SGCZ: variants seen among roughly 807,000 people sequenced by gnomAD.
SGCZ encodes zeta-sarcoglycan.
Under a neutral mutation model 41.3 loss-of-function variants are expected in SGCZ, and 40 were observed. The observed-to-expected ratio is 0.97, with a 90% CI of 0.75 to 1.26. SGCZ has a LOEUF of 1.26. SGCZ is among the 50% of genes most tolerant of loss of function. SGCZ has a pLI of 0.00. For synonymous variants in SGCZ, 206 were observed against 137.5 expected, an observed-to-expected ratio of 1.50 and a Z score of -3.49; for missense variants, 552 against 369.8, an observed-to-expected ratio of 1.49 and a Z score of -4.04.
intron 1 of SGCZ, among the ~76,000 whole-genome samples, chr8:14,691,715 A>G (rs1808803353): frequency 6.6e-6 from 1 of 152,086 alleles, no homozygotes; most frequent in African/African-American, 2.4e-5. Context: ...AGATTTAAAC[A>G]TCGTTCTTCA....
chr8:14,631,285 CT>C (rs78647792), intron 1 of SGCZ, among the ~76,000 whole-genome samples: 985 of 81,994 alleles, frequency 0.012, 9 homozygotes, highest in East Asian at 0.069. Flanking sequence ...CATAGGAATT[CT>C]TTTTTTATTA....
intron 5 of SGCZ, among the ~76,000 whole-genome samples, chr8:14,157,390 G>A (rs891714391): frequency 1.3e-5 from 2 of 149,390 alleles, no homozygotes; most frequent in South Asian, 2.1e-4. Flanking sequence ...GTGTGTGTGT[G>A]TGTATGCTCA....
intron 1 of SGCZ, among the ~76,000 whole-genome samples, chr8:14,888,280 G>T (rs973799261): frequency 1.3e-5 from 2 of 152,116 alleles, no homozygotes; most frequent in African/African-American, 4.8e-5. Flanking sequence ...AGATTGAGCT[G>T]ATGAACAGGG....
At chr8:14,183,053 G>A (rs933311882) in intron 4 of SGCZ, among the ~76,000 whole-genome samples, 6 of 149,254 alleles carry the variant, frequency 4.0e-5, no homozygotes, top group African/African-American at 1.5e-4. Flanking sequence ...TCGTAAAGTT[G>A]ATTAAGAAAA....
intron 5 of SGCZ, among the ~76,000 whole-genome samples, chr8:14,160,458 C>G (rs1415667116): frequency 6.6e-6 from 1 of 151,986 alleles, no homozygotes; most frequent in Non-Finnish European, 1.5e-5. Context: ...ATACCTTTGG[C>G]CAATAGTAGG....
At chr8:15,195,050 A>C (rs1309454074) in intron 1 of SGCZ, among the ~76,000 whole-genome samples, 1 of 152,244 alleles carries the variant, frequency 6.6e-6, no homozygotes, top group Admixed American at 6.5e-5. Context: ...CATCCAAAAA[A>C]ATAAACTATA....
chr8:14,740,112 T>A (rs1411230811), intron 1 of SGCZ, among the ~76,000 whole-genome samples: 1 of 152,092 alleles, frequency 6.6e-6, no homozygotes, highest in Non-Finnish European at 1.5e-5. Flanking sequence ...ATTGTAGCTA[T>A]CAAGCATTAT....
chr8:15,086,125 C>T (rs987023006), intron 1 of SGCZ, among the ~76,000 whole-genome samples: 2 of 152,124 alleles, frequency 1.3e-5, no homozygotes, highest in Admixed American at 1.3e-4. Context: ...ATAAAGAATA[C>T]TATTTAACAA....
chr8:14,349,093 T>C (rs549627960), intron 2 of SGCZ, among the ~76,000 whole-genome samples: 41 of 152,142 alleles, frequency 2.7e-4, no homozygotes, highest in Non-Finnish European at 4.6e-4. Context: ...TGTGGGTAGA[T>C]TTCAGACTAG....
rs189256677 is a variant in SGCZ, at chr8:14,600,386, G to A, written c.40-45460C>T. The stretch of plus-strand genomic sequence containing the variant: ...AATCTGGGATCTATCATCTCTACTT[G>A]GATGAGTTGTGTACTCCACATCCTC... On this transcript the variant is annotated intron_variant, in intron 1 of 7. Coordinates refer to ENST00000382080, the MANE Select transcript of SGCZ (RefSeq NM_139167.4). Among the ~76,000 whole-genome samples the A allele has an allele frequency of 2.4e-3, 365 of 152,138 alleles. 1 individual carries two copies. The highest frequency in any genetic ancestry group is 8.0e-3 in the African/African-American group (334 of 41,510).
At chr8:14,400,187 ATTGATACTTCAT>A (rs148130278) in intron 2 of SGCZ, among the ~76,000 whole-genome samples, 12,634 of 152,150 alleles carry the variant, frequency 0.083, 665 homozygotes, top group Admixed American at 0.13. Flanking sequence ...AATAGCGTGT[ATTGATACTTCAT>A]TTATTTTTAC....
intron 1 of SGCZ, among the ~76,000 whole-genome samples, chr8:15,096,066 T>C (rs914537290): frequency 6.6e-6 from 1 of 152,134 alleles, no homozygotes; most frequent in Non-Finnish European, 1.5e-5. Context: ...TAGTTTCTTT[T>C]TTATTTTTAC....
At chr8:14,946,796 C>T (rs957983189) in intron 1 of SGCZ, among the ~76,000 whole-genome samples, 11 of 151,830 alleles carry the variant, frequency 7.2e-5, no homozygotes, top group South Asian at 2.1e-4. Context: ...CTGCCTCAGC[C>T]CCCCGAGTAG....
intron 1 of SGCZ, among the ~76,000 whole-genome samples, chr8:14,706,452 A>G (rs142569107): frequency 2.6e-5 from 4 of 152,198 alleles, no homozygotes; most frequent in African/African-American, 9.6e-5. Flanking sequence ...CAGTGACTCT[A>G]TTCTATGCCT....
chr8:14,620,939 G>A (rs1186661857), intron 1 of SGCZ, among the ~76,000 whole-genome samples: 2 of 152,096 alleles, frequency 1.3e-5, no homozygotes, highest in African/African-American at 2.4e-5. Flanking sequence ...CCATTACTGG[G>A]TATATACCCA....
intron 3 of SGCZ, among the ~76,000 whole-genome samples, chr8:14,284,269 T>A (rs1375824035): frequency 6.6e-6 from 1 of 152,102 alleles, no homozygotes; most frequent in Non-Finnish European, 1.5e-5. Context: ...GTACACAGCT[T>A]TTGATCTCAG....
intron 1 of SGCZ, among the ~76,000 whole-genome samples, chr8:14,628,624 A>T (rs1806542261): frequency 1.3e-5 from 2 of 152,102 alleles, no homozygotes; most frequent in Admixed American, 1.3e-4. Context: ...CAAATAGCTG[A>T]TTAGGCAAAA....
chr8:14,212,707 G>T (rs905287715), intron 4 of SGCZ, among the ~76,000 whole-genome samples: 3 of 152,068 alleles, frequency 2.0e-5, no homozygotes, highest in African/African-American at 7.2e-5. Context: ...TCACAACTTG[G>T]AAGAGAAAAG....
At chr8:14,933,915 AAAT>A in intron 1 of SGCZ, among the ~76,000 whole-genome samples, 1 of 152,020 alleles carries the variant, frequency 6.6e-6, no homozygotes, top group South Asian at 2.1e-4. Flanking sequence ...CACAGGGACA[AAAT>A]ATACAGAAGA....
Sources: gnomAD v4.1 joint callset for allele counts (sites outside exome capture counted in the v4.1 genomes callset) on GRCh38, gnomAD v4.1.1 for gene constraint, MANE v1.5 for transcripts, NCBI Gene and HGNC (gene_info 2026-07-23, HGNC 2026-07-21) for gene names.